The following FRMD6 variants were observed in gnomAD, a reference collection of about 807,000 sequenced individuals.
FRMD6 encodes the protein FERM domain containing 6.
In FRMD6, 37 loss-of-function variants were observed where a neutral mutation model predicts 73.2. The observed-to-expected ratio is 0.51, with a 90% CI of 0.39 to 0.66. The LOEUF is 0.66. Among genes scored for constraint, FRMD6 ranks in the 30% least tolerant of loss-of-function variants. The pLI is 0.00. For synonymous variants in FRMD6, 273 were observed against 282.2 expected (o/e 0.97, Z 0.33); for missense variants, 714 against 780.5 (o/e 0.91, Z 1.02).
intron 2 of FRMD6, among the ~76,000 whole-genome samples, chr14:51,591,172 G>A (rs1889364189): frequency 6.6e-6 from 1 of 152,118 alleles, no homozygotes; most frequent in Admixed American, 6.5e-5. Flanking sequence ...TCAGGGCCAA[G>A]GCCAGTCCAT....
At chr14:51,649,125 C>T (rs933329079), upstream of FRMD6, among the ~76,000 whole-genome samples, 1 of 152,190 alleles carries the variant, frequency 6.6e-6, no homozygotes, top group Non-Finnish European at 1.5e-5. Flanking sequence ...CTCAGCTCCC[C>T]TTCCATCTTT....
intron 2 of FRMD6, among the ~76,000 whole-genome samples, chr14:51,605,860 G>C (rs1365903622): frequency 1.3e-5 from 2 of 152,194 alleles, no homozygotes; most frequent in African/African-American, 4.8e-5. Flanking sequence ...ATCAGGAAGA[G>C]CTGTACCCCC....
In FRMD6 at chr14:51,702,686, C is replaced by T. The variant is rs545697537; in HGVS notation, c.371+98C>T. On this transcript the variant is annotated intron_variant, in intron 5 of 13. Coordinates refer to ENST00000344768, the MANE Select transcript of FRMD6 (RefSeq NM_001267046.2). ...TACGTGTGTTTATTCTTTGTCTTCA[C>T]CTTTAGGATATAAACTCTGTAGGAG... 122 of 976,476 alleles carry T rather than the reference C, an allele frequency of 1.2e-4. 2 individuals carry two copies. In the South Asian group the frequency reaches 1.6e-3, roughly 13 times the overall value. 60.5% of individuals were successfully genotyped at this position (976,476 alleles called of 1,614,324 possible). A position where few individuals can be genotyped will look rare whatever the true frequency, so the allele number is the denominator to read the frequency against.
At chr14:51,679,839 A>G (rs1037631969) in intron 1 of FRMD6, among the ~76,000 whole-genome samples, 1 of 152,054 alleles carries the variant, frequency 6.6e-6, no homozygotes, top group Admixed American at 6.6e-5. Context: ...TATGTTTTTA[A>G]TCTCTAATGT....
intron 2 of FRMD6, among the ~76,000 whole-genome samples, chr14:51,646,583 G>C (rs1404406356): frequency 6.6e-6 from 1 of 151,560 alleles, no homozygotes; most frequent in African/African-American, 2.4e-5. Flanking sequence ...TTTTCAGTGA[G>C]TGATCAAAGA....
upstream of FRMD6, chr14:51,651,161 T>A (rs1487551220): frequency 6.6e-6 from 1 of 152,414 alleles, no homozygotes; most frequent in Non-Finnish European, 1.5e-5. Flanking sequence ...CAAAAATAAT[T>A]TCTGAGGGGC....
intron 1 of FRMD6, among the ~76,000 whole-genome samples, chr14:51,511,145 A>C (rs139779334): frequency 2.0e-3 from 303 of 152,274 alleles, no homozygotes; most frequent in Middle Eastern, 6.8e-3. Context: ...TCACTAAATG[A>C]AAAACAGATA....
At chr14:51,422,508 T>C in the FRMD6 span, among the ~76,000 whole-genome samples, 1 of 152,072 alleles carries the variant, frequency 6.6e-6, no homozygotes, top group Non-Finnish European at 1.5e-5. Flanking sequence ...TAAAAAATTA[T>C]ATGAAGGAAA....
intron 2 of FRMD6, among the ~76,000 whole-genome samples, chr14:51,643,282 G>C (rs1225902147): frequency 6.6e-6 from 1 of 152,176 alleles, no homozygotes; most frequent in Non-Finnish European, 1.5e-5. Context: ...AGAGTGGGAT[G>C]AGGAACCTGT....
At chr14:51,569,742 T>G (rs762766066) in intron 1 of FRMD6, among the ~76,000 whole-genome samples, 1 of 151,850 alleles carries the variant, frequency 6.6e-6, no homozygotes, top group Admixed American at 6.6e-5. Context: ...GCTCAAGTGA[T>G]GTGCCCATGT....
the FRMD6 span, among the ~76,000 whole-genome samples, chr14:51,403,221 T>C: frequency 6.6e-6 from 1 of 152,244 alleles, no homozygotes; most frequent in Non-Finnish European, 1.5e-5. Flanking sequence ...TGTAGGACTC[T>C]GTGGGCTCTT....
At chr14:51,694,721 T>G (rs975031799) in intron 2 of FRMD6, among the ~76,000 whole-genome samples, 6 of 152,176 alleles carry the variant, frequency 3.9e-5, no homozygotes, top group Admixed American at 3.3e-4. Context: ...ATAGAGTATA[T>G]TTTTAGATAA....
At chr14:51,457,598 G>A in the FRMD6 span, among the ~76,000 whole-genome samples, 1 of 152,164 alleles carries the variant, frequency 6.6e-6, no homozygotes, top group Non-Finnish European at 1.5e-5. Flanking sequence ...TTACACCTGA[G>A]CTGTGCTTTC....
the FRMD6 span, among the ~76,000 whole-genome samples, chr14:51,445,473 A>ACTT: frequency 7.8e-4 from 13 of 16,602 alleles, no homozygotes; most frequent in African/African-American, 7.0e-3. Flanking sequence ...ACAGAAGTGC[A>ACTT]ATTTTTTTTT....
At chr14:51,528,780 A>T (rs1423755426) in intron 1 of FRMD6, among the ~76,000 whole-genome samples, 1 of 152,196 alleles carries the variant, frequency 6.6e-6, no homozygotes, top group South Asian at 2.1e-4. Flanking sequence ...AGCAGAATGG[A>T]ATTGAACCAT....
At chr14:51,621,582 A>T (rs1467528) in intron 2 of FRMD6, among the ~76,000 whole-genome samples, 94,510 of 152,076 alleles carry the variant, frequency 0.62, 29,543 homozygotes, top group Middle Eastern at 0.68. Context: ...CAGAGAGGAC[A>T]ACATTTACTG....
At chr14:51,689,002 A>G (rs1207564341) in intron 1 of FRMD6, among the ~76,000 whole-genome samples, 1 of 152,264 alleles carries the variant, frequency 6.6e-6, no homozygotes, top group Non-Finnish European at 1.5e-5. Flanking sequence ...ACATGGTTTG[A>G]TATATACAGT....
intron 1 of FRMD6, among the ~76,000 whole-genome samples, chr14:51,512,145 C>T (rs1884346723): frequency 6.6e-6 from 1 of 152,072 alleles, no homozygotes; most frequent in South Asian, 2.1e-4. Context: ...TCTAGCCAGG[C>T]TATCCTTCAA....
chr14:51,478,037 CTG>C, the FRMD6 span, among the ~76,000 whole-genome samples: 1 of 152,304 alleles, frequency 6.6e-6, no homozygotes, highest in African/African-American at 2.4e-5. Context: ...TGCACCCAGA[CTG>C]TTTTTTTCTA....
Sources: gnomAD v4.1 joint callset for allele counts (sites outside exome capture counted in the v4.1 genomes callset) on GRCh38, gnomAD v4.1.1 for gene constraint, MANE v1.5 for transcripts, NCBI Gene and HGNC (gene_info 2026-07-23, HGNC 2026-07-21) for gene names.